The following ERGIC1 variants were observed in gnomAD, a reference collection of about 807,000 sequenced individuals.
The protein encoded by ERGIC1 is endoplasmic reticulum-golgi intermediate compartment 1.
In ERGIC1, 19 loss-of-function variants were observed where a neutral mutation model predicts 38.3. The observed-to-expected ratio is 0.50, with a 90% CI of 0.35 to 0.73. The LOEUF (loss-of-function observed/expected upper bound fraction) is 0.73. ERGIC1 is among the 30% of genes least tolerant of loss of function. The pLI is 0.01. For synonymous variants in ERGIC1, 124 were observed against 157.6 expected, an observed-to-expected ratio of 0.79 and a Z score of 1.60; for missense variants, 294 against 389.2, an observed-to-expected ratio of 0.76 and a Z score of 2.06.
chr5:172,844,704 A>G (rs567053277), intron 1 of ERGIC1, among the ~76,000 whole-genome samples: 30 of 152,166 alleles, frequency 2.0e-4, no homozygotes, highest in African/African-American at 7.2e-4. Context: ...TAGGACCTTG[A>G]TTCCTTCAGG....
intron 7 of ERGIC1, among the ~76,000 whole-genome samples, chr5:172,927,389 CA>C (rs1048474606): frequency 1.3e-5 from 2 of 152,198 alleles, no homozygotes; most frequent in Non-Finnish European, 2.9e-5. Context: ...GCCCCCCCGA[CA>C]AATCGAACCT....
At chr5:172,838,620 T>G (rs1292761112) in intron 1 of ERGIC1, among the ~76,000 whole-genome samples, 2 of 152,100 alleles carry the variant, frequency 1.3e-5, no homozygotes, top group Non-Finnish European at 2.9e-5. Context: ...TATATAGAGA[T>G]GGGGTCTTGC....
At chr5:172,850,463 C>G (rs1390553830) in intron 1 of ERGIC1, among the ~76,000 whole-genome samples, 1 of 152,148 alleles carries the variant, frequency 6.6e-6, no homozygotes, top group South Asian at 2.1e-4. Context: ...CCAGGCAGAC[C>G]TGGGACAGCT....
chr5:172,896,831 A>G (rs1162496594), intron 2 of ERGIC1, among the ~76,000 whole-genome samples, 171 bp from the exon 3 acceptor site: 6 of 152,170 alleles, frequency 3.9e-5, no homozygotes. Context: ...CCCCAAAGGC[A>G]GGGGGTGGGG....
chr5:172,864,268 CTTTTTTT>C (rs60390189), intron 1 of ERGIC1, among the ~76,000 whole-genome samples: 4,259 of 71,456 alleles, frequency 0.06, 110 homozygotes, highest in Non-Finnish European at 0.084. Flanking sequence ...ATTTTGTAGT[CTTTTTTT>C]TTTTTTTTTT....
intron 9 of ERGIC1, among the ~76,000 whole-genome samples, chr5:172,940,214 T>C (rs498185): frequency 0.02 from 3,082 of 152,214 alleles, 99 homozygotes; most frequent in African/African-American, 0.07. Context: ...CAGGGTCTCA[T>C]TGTCCCAAAA....
At position 172,914,254 on chromosome 5, in the gene ERGIC1, A is replaced by AATAAAAT. The variant is rs1554112477; in HGVS notation, c.251-459_251-458insTAAAATA. Among the ~76,000 whole-genome samples the AATAAAAT allele has an allele frequency of 2.3e-4, 30 of 131,324 alleles. No individual in the cohort carries two copies. The East Asian group carries it at 2.7e-3, about 12-fold the overall frequency. The allele number at this position is 131,324 out of a possible 152,430, so 86.2% of individuals were successfully genotyped here. On this transcript the variant is annotated intron_variant, in intron 4 of 9. Transcript: ENST00000393784. The stretch of plus-strand genomic sequence containing the variant: ...TGTCTCAAAAAAAAAAAAAAAAAAA[A>AATAAAAT]AAATACAAAGACTATCTGAGATACA...
At chr5:172,920,260 C>G in intron 5 of ERGIC1, 1 of 712,066 alleles carries the variant, frequency 1.4e-6, no homozygotes, top group East Asian at 2.7e-5. Context: ...AAAGAAGCCA[C>G]CAGGGTCCAT....
At chr5:172,895,291 C>G (rs1008540418) in intron 2 of ERGIC1, among the ~76,000 whole-genome samples, 2 of 152,152 alleles carry the variant, frequency 1.3e-5, no homozygotes, top group African/African-American at 2.4e-5. Context: ...CAGAGAAGCC[C>G]TATAAGGCAG....
intron 1 of ERGIC1, among the ~76,000 whole-genome samples, chr5:172,839,380 AAGACCCC>A (rs11278432): frequency 0.51 from 76,210 of 150,290 alleles, 20,102 homozygotes; most frequent in East Asian, 0.7. Flanking sequence ...TCAACATAGC[AAGACCCC>A]AGACCCCATC....
At chr5:172,854,326 G>A (rs950611858) in intron 1 of ERGIC1, among the ~76,000 whole-genome samples, 1 of 152,186 alleles carries the variant, frequency 6.6e-6, no homozygotes, top group African/African-American at 2.4e-5. Context: ...AGGCTGCAGT[G>A]AGCTGTGTTC....
chr5:172,919,486 T>G (rs1334297219), intron 5 of ERGIC1, among the ~76,000 whole-genome samples: 1 of 152,152 alleles, frequency 6.6e-6, no homozygotes, highest in Non-Finnish European at 1.5e-5. Context: ...GACTGCAGTC[T>G]GCTCCCCTTA....
At chr5:172,949,476 T>C (rs1304209833) in intron 9 of ERGIC1, among the ~76,000 whole-genome samples, 2 of 152,160 alleles carry the variant, frequency 1.3e-5, no homozygotes, top group Non-Finnish European at 2.9e-5. Flanking sequence ...GAAGGTGCTG[T>C]GTAAGTACTG....
intron 7 of ERGIC1, among the ~76,000 whole-genome samples, chr5:172,929,878 T>C (rs148850629): frequency 1.2e-3 from 189 of 152,192 alleles, no homozygotes; most frequent in African/African-American, 4.4e-3. Context: ...GAAAAGTTGA[T>C]CATGATGTTC....
At chr5:172,848,259 G>A (rs1326362202) in intron 1 of ERGIC1, among the ~76,000 whole-genome samples, 2 of 152,154 alleles carry the variant, frequency 1.3e-5, no homozygotes, top group African/African-American at 4.8e-5. Flanking sequence ...CCTTCATGAT[G>A]GTTCCAGGCT....
chr5:172,848,078 C>T (rs1025393337), intron 1 of ERGIC1, among the ~76,000 whole-genome samples: 5 of 152,338 alleles, frequency 3.3e-5, no homozygotes, highest in Admixed American at 1.3e-4. Context: ...CTGAGGCTTT[C>T]TCGTTGATAT....
In ERGIC1 at chr5:172,932,485, G is replaced by C; in HGVS notation, c.591G>C (p.Glu197Asp). The C allele has an allele frequency of 6.2e-7, 1 of 1,614,224 alleles. No homozygotes were observed. Among genetic ancestry groups the C allele is most frequent in the South Asian group, 1.1e-5 (1 of 91,078 alleles). Residue 197 changes from glutamate (E) to aspartate (D), a missense_variant, in exon 8 of 10, where the codon GAG (glutamate) becomes GAC (aspartate). Glu to Asp is a conservative substitution (Grantham distance 45). Coordinates refer to ENST00000393784, the MANE Select transcript of ERGIC1 (RefSeq NM_001031711.3). ...TGAAGATTGTGCCCACGGTTTATGA[G>C]GACAAGAGTGGCAAGCAGCGGTACT... ...YILKIVPTVYEDKSGKQRYSY... is the reference protein window; with the variant it reads ...YILKIVPTVYDDKSGKQRYSY...
chr5:172,928,011 A>G (rs766490473), intron 7 of ERGIC1, among the ~76,000 whole-genome samples: 4 of 151,476 alleles, frequency 2.6e-5, no homozygotes, highest in Admixed American at 2.6e-4. Flanking sequence ...ATACGGCAGC[A>G]CCTCCTTATT....
At chr5:172,904,599 AT>A (rs1177731441) in intron 3 of ERGIC1, among the ~76,000 whole-genome samples, 2 of 152,174 alleles carry the variant, frequency 1.3e-5, no homozygotes, top group Admixed American at 6.5e-5. Flanking sequence ...CACAAAAAAC[AT>A]TTCCTTTTCT....
Sources: gnomAD v4.1 joint callset for allele counts (sites outside exome capture counted in the v4.1 genomes callset) on GRCh38, gnomAD v4.1.1 for gene constraint, MANE v1.5 for transcripts, NCBI Gene and HGNC (gene_info 2026-07-23, HGNC 2026-07-21) for gene names.